Variants in ABLIM1 observed in about 807,000 individuals in gnomAD.
ABLIM1 encodes the protein actin binding LIM protein 1.
A neutral mutation model predicts 107.0 loss-of-function variants in ABLIM1; 40 were observed. The observed-to-expected ratio is 0.37, with a 90% CI of 0.29 to 0.49. The LOEUF (loss-of-function observed/expected upper bound fraction) is 0.49, where lower values mean the gene tolerates loss of function less well. Ranked by LOEUF, ABLIM1 falls within the 20% of genes least tolerant of loss-of-function variation. The probability of loss-of-function intolerance (pLI) is 0.97; values close to 1 mark genes in which losing one functional copy is unlikely to be tolerated. For missense variants in ABLIM1, 857 were observed against 1,008.5 expected, an observed-to-expected ratio of 0.85 and a Z score of 2.04; for synonymous variants, 357 against 357.3, an observed-to-expected ratio of 1.00 and a Z score of 0.01.
chr10:114,704,602 G>A (rs1480023248), intron 1 of ABLIM1, among the ~76,000 whole-genome samples: 3 of 142,234 alleles, frequency 2.1e-5, no homozygotes, highest in African/African-American at 5.3e-5. Context: ...AAAGTGATTC[G>A]CAGCCAAAGC....
intron 1 of ABLIM1, among the ~76,000 whole-genome samples, chr10:114,697,416 C>T (rs1053891396): frequency 3.3e-5 from 5 of 152,250 alleles, no homozygotes; most frequent in Admixed American, 1.3e-4. Context: ...ACGCGGTTTT[C>T]GAAGCAGCTG....
At chr10:114,657,844 G>T in intron 1 of ABLIM1, 113 bp downstream of exon 1, 1 of 894,754 alleles carries the variant, frequency 1.1e-6, no homozygotes. Flanking sequence ...TATATATTAA[G>T]GATAGTGTTT....
At chr10:114,515,562 G>T (rs998204100) in intron 6 of ABLIM1, among the ~76,000 whole-genome samples, 1 of 152,224 alleles carries the variant, frequency 6.6e-6, no homozygotes, top group African/African-American at 2.4e-5. Flanking sequence ...GCTTGGCTAT[G>T]TGAGCCTCTT....
intron 1 of ABLIM1, among the ~76,000 whole-genome samples, chr10:114,752,128 G>A (rs2082527953): frequency 6.6e-6 from 1 of 152,188 alleles, no homozygotes; most frequent in African/African-American, 2.4e-5. Context: ...TGAGTCATCT[G>A]ATCTGGAAAT....
At position 114,530,757 on chromosome 10, in the gene ABLIM1, C is replaced by A. The variant is rs191145546; in HGVS notation, c.894+14248G>T. 7.9e-5 allele frequency among the ~76,000 whole-genome samples: 12 copies of A among 152,314 alleles called. No individual in the cohort carries two copies. In the East Asian group the frequency reaches 2.1e-3, roughly 27 times the overall value. ...CCTTATTGGCCAGGCTGCTCTCAAA[C>A]TTCTGAACTTAGGTGATATGCCCAC... On this transcript the variant is annotated intron_variant, in intron 6 of 22. Transcript: ENST00000533213.
chr10:114,470,416 C>A (rs1181858666), intron 10 of ABLIM1, among the ~76,000 whole-genome samples: 1 of 94,908 alleles, frequency 1.1e-5, no homozygotes, highest in Non-Finnish European at 2.2e-5. Flanking sequence ...AGTGAGACTC[C>A]ACCTCAAAAA....
chr10:114,628,373 A>T (rs1247290566), intron 1 of ABLIM1, among the ~76,000 whole-genome samples: 1 of 152,258 alleles, frequency 6.6e-6, no homozygotes, highest in Non-Finnish European at 1.5e-5. Flanking sequence ...GCTCAACATC[A>T]TACAATGCAC....
At chr10:114,777,383 T>C in the ABLIM1 span, among the ~76,000 whole-genome samples, 1 of 152,234 alleles carries the variant, frequency 6.6e-6, no homozygotes. Flanking sequence ...TTAGAGTCCT[T>C]GTCAGTTAAC....
chr10:114,759,919 T>C (rs1475916143), intron 1 of ABLIM1, among the ~76,000 whole-genome samples: 1 of 152,210 alleles, frequency 6.6e-6, no homozygotes, highest in Non-Finnish European at 1.5e-5. Context: ...TTATAACTTA[T>C]ATAGTATATG....
chr10:114,486,427 G>A (rs554668827), intron 8 of ABLIM1, among the ~76,000 whole-genome samples: 1 of 152,304 alleles, frequency 6.6e-6, no homozygotes, highest in South Asian at 2.1e-4. Flanking sequence ...GCATCCTCAA[G>A]CTATGCTGTG....
At chr10:114,769,276 G>A (rs377486133), upstream of ABLIM1, among the ~76,000 whole-genome samples, 9 of 150,676 alleles carry the variant, frequency 6.0e-5, no homozygotes, top group South Asian at 1.5e-3. Context: ...GCTTGAGGTG[G>A]AGGATGCAGT....
At chr10:114,624,899 A>G (rs956977580) in intron 1 of ABLIM1, among the ~76,000 whole-genome samples, 2 of 152,118 alleles carry the variant, frequency 1.3e-5, no homozygotes, top group African/African-American at 4.8e-5. Flanking sequence ...TTTATAAAAT[A>G]GTACAAGCAA....
rs772641158 is a variant in ABLIM1, at chr10:114,473,916, C to G, written c.1082G>C (p.Gly361Ala). ...TSSESIYSRP[G>A]SSIPGSPGHT... ...ACCTGGTGAGCCAGGAATACTGGAG[C>G]CTGGCCTAGAATAAATACTTTCCGA... The change falls in exon 9 of 23, where the codon GGC becomes GCC. Residue 361 changes from glycine (G) to alanine (A), a missense_variant. Physicochemically the swap from Gly to Ala is moderately conservative, Grantham distance 60. This residue lies in a region of ABLIM1 where 381 missense variants were observed against 506.9 expected (regional missense o/e 0.75). Coordinates refer to ENST00000533213, the MANE Select transcript of ABLIM1 (RefSeq NM_002313.7). 28 of 1,613,686 alleles carry G rather than the reference C, an allele frequency of 1.7e-5. No homozygotes were observed. The East Asian group carries it at 5.6e-4, about 32-fold the overall frequency.
chr10:114,739,529 G>A (rs1566291166), intron 1 of ABLIM1, among the ~76,000 whole-genome samples: 1 of 152,148 alleles, frequency 6.6e-6, no homozygotes. Flanking sequence ...AGCATTGTTT[G>A]AAAGTATTAA....
At chr10:114,673,269 A>AG (rs2080336095) in intron 1 of ABLIM1, among the ~76,000 whole-genome samples, 1 of 151,288 alleles carries the variant, frequency 6.6e-6, no homozygotes, top group East Asian at 1.9e-4. Flanking sequence ...AAAAAAAAAA[A>AG]ACAAAAAAAA....
At chr10:114,545,144 C>T in intron 5 of ABLIM1, 46 bp from the exon 6 acceptor site, 1 of 1,558,074 alleles carries the variant, frequency 6.4e-7, no homozygotes, top group Non-Finnish European at 8.9e-7. Context: ...TGGCCAGGGG[C>T]TGGAGAAGAC....
chr10:114,684,294 G>A (rs958866069), exon 1 of ABLIM1: 2 of 1,613,792 alleles, frequency 1.2e-6, no homozygotes, highest in South Asian at 1.1e-5. Flanking sequence ...TCTAACCTTT[G>A]TAGTCTCCCA....
intron 21 of ABLIM1, 65 bp downstream of exon 21, chr10:114,439,111 G>C (rs1342397844): frequency 3.2e-6 from 5 of 1,568,554 alleles, no homozygotes; most frequent in African/African-American, 1.3e-5. Flanking sequence ...TGAAAAGATA[G>C]AACATCAAAT....
At chr10:114,458,466 C>A (rs183542153) in intron 12 of ABLIM1, among the ~76,000 whole-genome samples, 8 of 152,186 alleles carry the variant, frequency 5.3e-5, no homozygotes, top group Non-Finnish European at 1.0e-4. Flanking sequence ...TGGGGGTGTG[C>A]GATTCTGCTG....
Sources: allele counts gnomAD v4.1 joint callset (sites outside exome capture counted in the v4.1 genomes callset), GRCh38; gene constraint gnomAD v4.1.1; regional missense constraint gnomAD v4.1.1; transcripts MANE v1.5; gene names NCBI Gene and HGNC (gene_info 2026-07-23, HGNC 2026-07-21).